CNGB3: variants seen among roughly 807,000 people sequenced by gnomAD.
CNGB3 encodes the protein cyclic nucleotide gated channel subunit beta 3.
CNGB3 carries 86 observed loss-of-function variants against 92.8 expected under a neutral mutation model. The ratio of observed to expected loss-of-function variants is 0.93; its 90% confidence interval spans 0.78 to 1.11. The LOEUF (loss-of-function observed/expected upper bound fraction) is 1.11, where lower values mean the gene tolerates loss of function less well. CNGB3 is among the 50% of genes least tolerant of loss of function. The pLI, the probability that CNGB3 is intolerant of heterozygous loss-of-function variation, is 0.00. For missense variants in CNGB3, 1,026 were observed against 956.8 expected, an observed-to-expected ratio of 1.07 and a Z score of -0.95; for synonymous variants, 333 against 332.7, an observed-to-expected ratio of 1.00 and a Z score of -0.01.
chr8:86,659,904 G>C, intron 6 of CNGB3: 1 of 400,008 alleles, frequency 2.5e-6, no homozygotes, highest in Non-Finnish European at 5.0e-6. Flanking sequence ...AAAGGATGTA[G>C]ACTCAGAGGC....
At chr8:86,629,567 A>G (rs1383277303) in intron 11 of CNGB3, among the ~76,000 whole-genome samples, 2 of 152,208 alleles carry the variant, frequency 1.3e-5, no homozygotes, top group African/African-American at 4.8e-5. Flanking sequence ...TGCATCCTTC[A>G]TAGATTATCC....
At chr8:86,701,567 T>A (rs1824557461) in intron 3 of CNGB3, among the ~76,000 whole-genome samples, 1 of 152,214 alleles carries the variant, frequency 6.6e-6, no homozygotes, top group Non-Finnish European at 1.5e-5. Context: ...CTGCTTGAAG[T>A]AATTTAAAAG....
chr8:86,684,064 G>A (rs373657040), intron 3 of CNGB3, among the ~76,000 whole-genome samples: 6 of 152,138 alleles, frequency 3.9e-5, no homozygotes, highest in Admixed American at 2.0e-4. Flanking sequence ...GCTACAAGCT[G>A]CAGAGTGGGA....
chr8:86,628,851 C>T (rs1585979061), intron 12 of CNGB3, 68 bp downstream of exon 12: 1 of 1,538,130 alleles, frequency 6.5e-7, no homozygotes, highest in Non-Finnish European at 9.0e-7. Flanking sequence ...CTAGTCTCTG[C>T]TACCTTACAG....
At chr8:86,583,208 C>T (rs1429980175) in intron 15 of CNGB3, among the ~76,000 whole-genome samples, 2 of 151,996 alleles carry the variant, frequency 1.3e-5, no homozygotes, top group African/African-American at 4.8e-5. Context: ...ACAATTTTTT[C>T]GCATTCTTAA....
intron 3 of CNGB3, among the ~76,000 whole-genome samples, chr8:86,696,185 G>A (rs1220681587): frequency 3.3e-5 from 5 of 152,184 alleles, no homozygotes; most frequent in South Asian, 2.1e-4. Context: ...TAGCCAGGGC[G>A]TTGCAGGCAG....
intron 8 of CNGB3, among the ~76,000 whole-genome samples, chr8:86,645,741 C>A (rs1402215843): frequency 2.6e-5 from 4 of 151,232 alleles, no homozygotes; most frequent in African/African-American, 9.7e-5. Flanking sequence ...CTTAAACACT[C>A]AGATTATAAT....
chr8:86,671,400 GC>G (rs1327074233), intron 3 of CNGB3, among the ~76,000 whole-genome samples: 20 of 152,284 alleles, frequency 1.3e-4, no homozygotes, highest in Admixed American at 5.2e-4. Flanking sequence ...AGATGGTGGG[GC>G]AGGCAGAAGC....
chr8:86,730,272 T>A (rs1825136015), intron 2 of CNGB3, among the ~76,000 whole-genome samples: 1 of 152,204 alleles, frequency 6.6e-6, no homozygotes, highest in Admixed American at 6.5e-5. Context: ...CCACATTTTA[T>A]CAGTGACATT....
chr8:86,689,716 C>A (rs1824268136), intron 3 of CNGB3, among the ~76,000 whole-genome samples: 1 of 151,972 alleles, frequency 6.6e-6, no homozygotes. Flanking sequence ...CCCACCTCCC[C>A]CAACCCCACA....
intron 3 of CNGB3, among the ~76,000 whole-genome samples, chr8:86,696,568 C>T (rs1488840000): frequency 6.6e-6 from 1 of 152,184 alleles, no homozygotes; most frequent in Non-Finnish European, 1.5e-5. Flanking sequence ...AGACACTGTT[C>T]TATCCATCCA....
At chr8:86,675,069 C>T (rs2131622468) in intron 3 of CNGB3, among the ~76,000 whole-genome samples, 1 of 152,256 alleles carries the variant, frequency 6.6e-6, no homozygotes, top group East Asian at 1.9e-4. Flanking sequence ...AGCAATTCTG[C>T]TGCCTCAGCC....
At chr8:86,582,888 G>A (rs1182836927) in intron 15 of CNGB3, among the ~76,000 whole-genome samples, 1 of 151,988 alleles carries the variant, frequency 6.6e-6, no homozygotes, top group African/African-American at 2.4e-5. Flanking sequence ...ACAAAGAAAG[G>A]AAGGACATTT....
intron 10 of CNGB3, among the ~76,000 whole-genome samples, chr8:86,635,861 T>TATATACATATAC (rs796498363): frequency 1.5e-5 from 1 of 66,270 alleles, no homozygotes; most frequent in Non-Finnish European, 2.6e-5. Context: ...TATATATATA[T>TATATACATATAC]ATACACATAC....
At chr8:86,663,230 AT>A (rs1400626911) in intron 6 of CNGB3, among the ~76,000 whole-genome samples, 2 of 152,166 alleles carry the variant, frequency 1.3e-5, no homozygotes, top group Non-Finnish European at 2.9e-5. Flanking sequence ...GACACTGAGG[AT>A]TTCTGTGAAT....
intron 6 of CNGB3, chr8:86,658,257 G>A: frequency 3.8e-6 from 2 of 532,696 alleles, no homozygotes; most frequent in Non-Finnish European, 6.9e-6. Context: ...CTCGGCACTG[G>A]CCACAGCTGA....
intron 2 of CNGB3, among the ~76,000 whole-genome samples, chr8:86,736,314 T>C (rs1353891604): frequency 6.6e-6 from 1 of 152,182 alleles, no homozygotes; most frequent in Non-Finnish European, 1.5e-5. Context: ...TTAAAGTCTT[T>C]GGAGACATGC....
At chr8:86,656,601 A>G (rs1823509643) in intron 6 of CNGB3, among the ~76,000 whole-genome samples, 1 of 152,032 alleles carries the variant, frequency 6.6e-6, no homozygotes, top group Non-Finnish European at 1.5e-5. Context: ...TCTTCAGGGG[A>G]GGCTTACTTT....
intron 13 of CNGB3, among the ~76,000 whole-genome samples, chr8:86,613,554 T>C (rs1471080534): frequency 6.6e-6 from 1 of 152,186 alleles, no homozygotes; most frequent in Non-Finnish European, 1.5e-5. Context: ...AACATGTACA[T>C]GTCTGGAATA....
Sources: allele counts gnomAD v4.1 joint callset (sites outside exome capture counted in the v4.1 genomes callset), GRCh38; gene constraint gnomAD v4.1.1; transcripts MANE v1.5; gene names NCBI Gene and HGNC (gene_info 2026-07-23, HGNC 2026-07-21).